PI4K2A: variants seen among roughly 807,000 people sequenced by gnomAD.
PI4K2A encodes phosphatidylinositol 4-kinase type 2-alpha.
PI4K2A carries 20 observed loss-of-function variants against 55.0 expected under a neutral mutation model. That is an observed-to-expected ratio of 0.36 (90% CI 0.26 to 0.53). PI4K2A has a LOEUF of 0.53. Among genes scored for constraint, PI4K2A ranks in the 20% least tolerant of loss-of-function variants. The pLI, the probability that PI4K2A is intolerant of heterozygous loss-of-function variation, is 0.91. For synonymous variants in PI4K2A, 235 were observed against 258.5 expected (o/e 0.91, Z 0.87); for missense variants, 463 against 637.1 (o/e 0.73, Z 2.94).
chr10:97,659,613 T>C (rs1385740318), intron 4 of PI4K2A, among the ~76,000 whole-genome samples: 1 of 152,048 alleles, frequency 6.6e-6, no homozygotes, highest in Non-Finnish European at 1.5e-5. Flanking sequence ...CTTGCAATCT[T>C]TCACCATTAT....
In PI4K2A at chr10:97,656,959, A is replaced by G. The variant is rs1187552769; in HGVS notation, c.907A>G (p.Ile303Val). The stretch of plus-strand genomic sequence containing the variant: ...TGAGCGGTTGGTGGTGCTGGATTAC[A>G]TCATCCGCAACACTGGTGAGCAGCT... The change falls in exon 4 of 9, where the codon ATC becomes GTC. Residue 303 changes from isoleucine to valine, a missense_variant. By Grantham distance (29) the Ile-to-Val change is conservative (BLOSUM62 3). This residue lies in a region of PI4K2A where 277 missense variants were observed against 432.6 expected (regional missense o/e 0.64). Transcript: ENST00000370631. The surrounding 1 kb of genome is among the most constrained non-coding windows in gnomAD (Gnocchi z 4.5). 1.2e-6 allele frequency: 2 copies of G among 1,614,200 alleles called. No homozygotes were observed.
chr10:97,648,092 A>ATTTTT (rs11332690), intron 1 of PI4K2A, among the ~76,000 whole-genome samples: 1 of 120,682 alleles, frequency 8.3e-6, no homozygotes. Context: ...CACTTAGCTA[A>ATTTTT]TTTTTTTTTT....
chr10:97,672,377 C>A (rs950022451), intron 8 of PI4K2A, among the ~76,000 whole-genome samples: 1 of 152,118 alleles, frequency 6.6e-6, no homozygotes, highest in Non-Finnish European at 1.5e-5. Flanking sequence ...CCAGAGATGA[C>A]CACTGCCAAC....
intron 8 of PI4K2A, among the ~76,000 whole-genome samples, chr10:97,670,100 A>G (rs973920759): frequency 2.0e-5 from 3 of 151,852 alleles, no homozygotes; most frequent in Admixed American, 6.6e-5. Context: ...GGGTCTCGCT[A>G]TGTTGCCCAG....
rs915151895 is a variant in PI4K2A, at chr10:97,656,503, A to G, written c.768+87A>G. 1.0e-5 allele frequency: 13 copies of G among 1,275,766 alleles called. No homozygotes were observed. The highest frequency in any genetic ancestry group is 1.5e-5 in the African/African-American group (1 of 68,260). The allele number at this position is 1,275,766 out of a possible 1,614,324, so 79.0% of individuals were successfully genotyped here. On this transcript the variant is annotated intron_variant, in intron 3 of 8. Coordinates refer to ENST00000370631, the Ensembl canonical transcript of PI4K2A. The surrounding 1 kb of genome is among the most constrained non-coding windows in gnomAD (Gnocchi z 4.5). ...GTGAAGCAAGGTGCCTACAACTCAAATATGGGCACGTGAATAACCTGCCCT... is the reference window on the plus strand; with the variant it reads ...GTGAAGCAAGGTGCCTACAACTCAAGTATGGGCACGTGAATAACCTGCCCT...
intron 1 of PI4K2A, among the ~76,000 whole-genome samples, chr10:97,649,917 C>A (rs887856342): frequency 3.3e-5 from 5 of 152,056 alleles, no homozygotes; most frequent in Admixed American, 6.6e-5. Context: ...AGCCACCATG[C>A]CCGGCCCATA....
chr10:97,669,837 CAACTT>C (rs894020734), intron 8 of PI4K2A, among the ~76,000 whole-genome samples: 3 of 152,112 alleles, frequency 2.0e-5, no homozygotes, highest in African/African-American at 7.2e-5. Flanking sequence ...AGTTGTTACT[CAACTT>C]AAAGGCTTCT....
chr10:97,655,648 C>T (rs1371797799), intron 2 of PI4K2A, among the ~76,000 whole-genome samples: 1 of 152,030 alleles, frequency 6.6e-6, no homozygotes, highest in Non-Finnish European at 1.5e-5. Context: ...GATCTTGGCT[C>T]ACTGCAACCT....
At position 97,656,991 on chromosome 10, in the gene PI4K2A, G is replaced by T. The variant is rs1287278426; in HGVS notation, c.922+17G>T. 1 of 1,614,000 alleles carries T rather than the reference G, an allele frequency of 6.2e-7. No homozygotes were observed. The highest frequency in any genetic ancestry group is 1.1e-5 in the South Asian group (1 of 91,050). On this transcript the variant is annotated intron_variant, in intron 4 of 8. Coordinates refer to ENST00000370631, the Ensembl canonical transcript of PI4K2A. The surrounding 1 kb of genome is among the most constrained non-coding windows in gnomAD (Gnocchi z 4.5). ...GCAACACTGGTGAGCAGCTGCAGGTGGTCCCATGCCCTGTGCCAGACTGTG... is the reference window on the plus strand; with the variant it reads ...GCAACACTGGTGAGCAGCTGCAGGTTGTCCCATGCCCTGTGCCAGACTGTG...
Position 97,667,056 on chromosome 10 carries a change from T to G in PI4K2A, c.1219-5T>G. On this transcript the variant is annotated splice_region_variant and splice_polypyrimidine_tract_variant and intron_variant, in intron 7 of 8. Coordinates refer to ENST00000370631, the Ensembl canonical transcript of PI4K2A. ...GTTCCATCTCCTTCTGGTCTTCTTT[T>G]GCAGAAAGATCCTGGTTTCGACAGG... 3 of 1,612,842 alleles carry G rather than the reference T, an allele frequency of 1.9e-6. No individual in the cohort carries two copies. The highest frequency in any genetic ancestry group is 3.3e-4 in the Middle Eastern group (2 of 6,056).
chr10:97,644,646 C>T (rs2041495341), intron 1 of PI4K2A, among the ~76,000 whole-genome samples: 1 of 152,216 alleles, frequency 6.6e-6, no homozygotes, highest in African/African-American at 2.4e-5. Context: ...AACATCTTGT[C>T]TGCTTTTCAG....
At chr10:97,662,666 C>A (rs1027154441) in intron 4 of PI4K2A, among the ~76,000 whole-genome samples, 2 of 152,218 alleles carry the variant, frequency 1.3e-5, no homozygotes, top group East Asian at 1.9e-4. Context: ...AAAGAAGCCA[C>A]AGTGCTGGGC....
exon 9 of PI4K2A, chr10:97,674,567 C>T (rs1037531556): frequency 6.6e-6 from 1 of 152,180 alleles, no homozygotes; most frequent in Non-Finnish European, 1.5e-5. Context: ...GAGTGTATGC[C>T]GGGAGCTAAG....
chr10:97,650,294 T>G (rs1379522213), intron 1 of PI4K2A, among the ~76,000 whole-genome samples: 3 of 150,348 alleles, frequency 2.0e-5, no homozygotes, highest in Non-Finnish European at 3.0e-5. Flanking sequence ...TTTTTTTTTT[T>G]GTGAGACAGG....
At chr10:97,673,745 C>A in exon 9 of PI4K2A, 2 of 1,613,598 alleles carry the variant, frequency 1.2e-6, no homozygotes, top group Non-Finnish European at 1.7e-6. Context: ...GGTGGTAGCT[C>A]CAGAGGCAGG....
intron 4 of PI4K2A, among the ~76,000 whole-genome samples, chr10:97,658,576 T>C (rs917655625): frequency 6.6e-6 from 1 of 152,230 alleles, no homozygotes; most frequent in African/African-American, 2.4e-5. Context: ...TTGGATCATA[T>C]ATGGTAATTC....
At chr10:97,647,552 G>GA (rs1426701986) in intron 1 of PI4K2A, among the ~76,000 whole-genome samples, 1 of 152,178 alleles carries the variant, frequency 6.6e-6, no homozygotes, top group African/African-American at 2.4e-5. Flanking sequence ...CTCTGTCTAG[G>GA]AAAGCCACCA....
At chr10:97,641,507 C>T (rs1366004392) in intron 1 of PI4K2A, among the ~76,000 whole-genome samples, 1 of 152,136 alleles carries the variant, frequency 6.6e-6, no homozygotes, top group Non-Finnish European at 1.5e-5. Context: ...ACTACTGGGA[C>T]AGCTATTCGG....
intron 2 of PI4K2A, among the ~76,000 whole-genome samples, chr10:97,655,231 G>A (rs1292038176): frequency 6.6e-6 from 1 of 151,880 alleles, no homozygotes; most frequent in Non-Finnish European, 1.5e-5. Flanking sequence ...TTAGCCAGGA[G>A]TGGTGGCACA....
Sources: gnomAD v4.1 joint callset for allele counts (sites outside exome capture counted in the v4.1 genomes callset) on GRCh38, gnomAD v4.1.1 for gene constraint, gnomAD v4.1.1 regional missense constraint, Gnocchi (gnomAD v3.1) non-coding constraint, MANE v1.5 for transcripts, NCBI Gene and HGNC (gene_info 2026-07-23, HGNC 2026-07-21) for gene names.